Variants in ZBBX observed in about 807,000 individuals in gnomAD.
ZBBX encodes the protein zinc finger B-box domain-containing protein 1.
A neutral mutation model predicts 108.5 loss-of-function variants in ZBBX; 101 were observed. The ratio of observed to expected loss-of-function variants is 0.93; its 90% CI spans 0.79 to 1.10. The LOEUF (loss-of-function observed/expected upper bound fraction) is 1.10, where lower values mean the gene tolerates loss of function less well. Ranked by LOEUF, ZBBX falls within the 50% of genes least tolerant of loss-of-function variation. The pLI is 0.00. For synonymous variants in ZBBX, 356 were observed against 323.4 expected, an observed-to-expected ratio of 1.10 and a Z score of -1.08; for missense variants, 1,009 against 941.4, an observed-to-expected ratio of 1.07 and a Z score of -0.94.
At chr3:167,356,909 A>G (rs986667121) in intron 8 of ZBBX, among the ~76,000 whole-genome samples, 3 of 152,316 alleles carry the variant, frequency 2.0e-5, no homozygotes, top group African/African-American at 7.2e-5. Flanking sequence ...CAATGTAAGT[A>G]ACATTTGAGT....
At chr3:167,184,607 G>C in the ZBBX span, among the ~76,000 whole-genome samples, 1 of 152,112 alleles carries the variant, frequency 6.6e-6, no homozygotes, top group African/African-American at 2.4e-5. Context: ...TAAGCAGCCA[G>C]GTCCAGGAGT....
At chr3:167,185,464 A>G in the ZBBX span, among the ~76,000 whole-genome samples, 5 of 152,260 alleles carry the variant, frequency 3.3e-5, no homozygotes, top group Non-Finnish European at 7.4e-5. Context: ...ATACATTTAT[A>G]CTTTTTCAAC....
intron 1 of ZBBX, among the ~76,000 whole-genome samples, chr3:167,406,160 ACAATAGTCTT>A (rs1748578063): frequency 6.6e-6 from 1 of 152,192 alleles, no homozygotes; most frequent in South Asian, 2.1e-4. Context: ...ATCTTCAGAG[ACAATAGTCTT>A]CAATAACATT....
At chr3:167,349,266 T>C (rs1433677697) in intron 9 of ZBBX, among the ~76,000 whole-genome samples, 1 of 152,112 alleles carries the variant, frequency 6.6e-6, no homozygotes, top group Admixed American at 6.6e-5. Flanking sequence ...ACAGTATTTA[T>C]CTACAAAGTA....
chr3:167,378,564 AG>A (rs1747319806), intron 2 of ZBBX, among the ~76,000 whole-genome samples: 1 of 152,166 alleles, frequency 6.6e-6, no homozygotes, highest in South Asian at 2.1e-4. Context: ...ATTAAACAAA[AG>A]GTGTCTGATT....
the ZBBX span, among the ~76,000 whole-genome samples, chr3:167,218,460 A>C: frequency 2.0e-5 from 3 of 152,102 alleles, no homozygotes; most frequent in Non-Finnish European, 4.4e-5. Flanking sequence ...AGAAACAACA[A>C]TAAGTTAAAA....
the ZBBX span, among the ~76,000 whole-genome samples, chr3:167,207,818 C>T: frequency 6.6e-6 from 1 of 152,130 alleles, no homozygotes; most frequent in Non-Finnish European, 1.5e-5. Flanking sequence ...AGTTGAACAA[C>T]AATCCACATC....
the ZBBX span, among the ~76,000 whole-genome samples, chr3:167,178,656 G>C: frequency 6.6e-6 from 1 of 152,110 alleles, no homozygotes. Context: ...TAAGGTCCTG[G>C]AGAAACACAA....
intron 17 of ZBBX, among the ~76,000 whole-genome samples, chr3:167,304,696 G>T (rs1028645838): frequency 6.6e-6 from 1 of 152,006 alleles, no homozygotes; most frequent in Non-Finnish European, 1.5e-5. Flanking sequence ...TATTTTCCAG[G>T]TGAAACGTTT....
Position 167,242,624 on chromosome 3 carries a change from G to A in ZBBX, c.2274C>T (p.Tyr758=), listed in dbSNP as rs35857002. The A allele has an allele frequency of 1.0e-3, 1,627 of 1,610,270 alleles. 13 individuals are homozygous for A. The African/African-American group carries it at 0.02, about 20-fold the overall frequency. ...CTGGGAACTCTTCTGAGGTTAAGCT[G>A]TAAAGCTTTTCTGAAGTATCTGAAA... ...RSLADTSEKL[Y]SLTSEEFPDF... Residue 758 remains tyrosine (Y), a synonymous_variant, in exon 21 of 22, where the codon TAC becomes TAT. Transcript: ENST00000675490.
chr3:167,201,874 G>C, the ZBBX span, among the ~76,000 whole-genome samples: 1 of 152,052 alleles, frequency 6.6e-6, no homozygotes, highest in Admixed American at 6.6e-5. Context: ...CTTTATTTTA[G>C]AAAAACCTCA....
chr3:167,264,291 C>T (rs1725103377), intron 20 of ZBBX, among the ~76,000 whole-genome samples: 1 of 152,146 alleles, frequency 6.6e-6, no homozygotes, highest in Non-Finnish European at 1.5e-5. Flanking sequence ...GTCTTTCCTT[C>T]CTTCCTCTCT....
intron 1 of ZBBX, among the ~76,000 whole-genome samples, chr3:167,402,658 T>C (rs1748460348): frequency 6.6e-6 from 1 of 151,678 alleles, no homozygotes; most frequent in Admixed American, 6.6e-5. Flanking sequence ...CAGAAAATAA[T>C]TTAAAAGATC....
At chr3:167,378,092 G>A (rs1747247247) in intron 2 of ZBBX, among the ~76,000 whole-genome samples, 1 of 152,086 alleles carries the variant, frequency 6.6e-6, no homozygotes, top group African/African-American at 2.4e-5. Context: ...GTTTCCTGAG[G>A]CCTCCCCAGC....
intron 9 of ZBBX, among the ~76,000 whole-genome samples, chr3:167,348,346 A>AAGAAAG (rs1553832731): frequency 2.1e-4 from 24 of 115,752 alleles, no homozygotes; most frequent in African/African-American, 8.1e-4. Context: ...GAAAGAAAGA[A>AAGAAAG]AGAAAGAAAG....
At chr3:167,232,394 C>T in the ZBBX span, among the ~76,000 whole-genome samples, 1 of 151,792 alleles carries the variant, frequency 6.6e-6, no homozygotes, top group Admixed American at 6.6e-5. Flanking sequence ...TATCTGATAG[C>T]AGGAAGAGGC....
chr3:167,252,135 T>C (rs1040040831), intron 20 of ZBBX: 1 of 1,288,450 alleles, frequency 7.8e-7, no homozygotes, highest in Non-Finnish European at 1.0e-6. Context: ...CCTAATGTAG[T>C]TATTTTCTGT....
intron 20 of ZBBX, among the ~76,000 whole-genome samples, chr3:167,245,313 A>C (rs1721380621): frequency 6.6e-6 from 1 of 152,188 alleles, no homozygotes; most frequent in Admixed American, 6.5e-5. Context: ...CAGTGAGCTG[A>C]GATCGCACCA....
At chr3:167,237,945 C>G (rs1417242581), downstream of ZBBX, among the ~76,000 whole-genome samples, 1 of 151,778 alleles carries the variant, frequency 6.6e-6, no homozygotes, top group Admixed American at 6.6e-5. Flanking sequence ...CAGTAGTGGT[C>G]CAATCCTTCC....
Sources: gnomAD v4.1 joint callset for allele counts (sites outside exome capture counted in the v4.1 genomes callset) on GRCh38, gnomAD v4.1.1 for gene constraint, MANE v1.5 for transcripts, NCBI Gene and HGNC (gene_info 2026-07-23, HGNC 2026-07-21) for gene names.